CDKN2B-AS1: variants seen among roughly 807,000 people sequenced by gnomAD.
The protein encoded by CDKN2B-AS1 is CDKN2B antisense RNA 1 (non-protein coding).
At chr9:22,122,030 C>T (rs1313892975) in intron 4 of CDKN2B-AS1, among the ~76,000 whole-genome samples, 1 of 150,668 alleles carries the variant, frequency 6.6e-6, no homozygotes, top group East Asian at 1.9e-4. Context: ...TAAGAATTCC[C>T]TTTTCTCCAA....
exon 5 of CDKN2B-AS1, among the ~76,000 whole-genome samples, chr9:22,127,657 C>T (rs1208969599): frequency 6.6e-6 from 1 of 152,026 alleles, no homozygotes; most frequent in African/African-American, 2.4e-5. Context: ...AAAAGGAAGG[C>T]AGGGATGAGA....
chr9:22,056,253 A>G (rs1823569518), exon 4 of CDKN2B-AS1: 1 of 122,222 alleles, frequency 8.2e-6, no homozygotes, highest in Non-Finnish European at 1.7e-5. Flanking sequence ...TTTTTCCAGT[A>G]GAGACGGGGT....
chr9:22,124,274 G>T (rs1424416432), intron 4 of CDKN2B-AS1, among the ~76,000 whole-genome samples: 1 of 152,162 alleles, frequency 6.6e-6, no homozygotes, highest in Non-Finnish European at 1.5e-5. Flanking sequence ...CATTTTAAGG[G>T]CATTAAGAAA....
At chr9:22,106,896 A>G (rs1214691055) in intron 4 of CDKN2B-AS1, among the ~76,000 whole-genome samples, 1 of 152,226 alleles carries the variant, frequency 6.6e-6, no homozygotes, top group Non-Finnish European at 1.5e-5. Flanking sequence ...TTTATAAATG[A>G]GGAAATGTAA....
At chr9:22,079,024 G>A (rs1342496717) in intron 4 of CDKN2B-AS1, among the ~76,000 whole-genome samples, 1 of 152,086 alleles carries the variant, frequency 6.6e-6, no homozygotes, top group Non-Finnish European at 1.5e-5. Flanking sequence ...GGGACAAGTC[G>A]CCCCAAAGCA....
chr9:22,008,531 C>T (rs1821306647), intron 1 of CDKN2B-AS1: 1 of 809,002 alleles, frequency 1.2e-6, no homozygotes, highest in South Asian at 1.9e-5. Context: ...CTCCTTTTCT[C>T]CCCAATTCAG....
chr9:21,999,517 T>C lies in CDKN2B-AS1; in HGVS notation n.29+4356T>C, dbSNP rs56184413. Among the ~76,000 whole-genome samples the C allele has an allele frequency of 1.0e-3, 158 of 152,122 alleles. No homozygotes were observed. The highest frequency in any genetic ancestry group is 1.9e-3 in the Non-Finnish European group (126 of 67,930). ...ATATATATACATACATATGTATATA[T>C]GTATTTTATGTATGGATACATATGT... On this transcript the variant is annotated intron_variant and non_coding_transcript_variant, in intron 1 of 4. Coordinates refer to ENST00000650946, the Ensembl canonical transcript of CDKN2B-AS1. This position sits in a 1 kb window ranked among gnomAD's most constrained non-coding sequence, Gnocchi z 4.7.
At position 22,050,283 on chromosome 9, in the gene CDKN2B-AS1, A is replaced by C. The variant is rs76627279; in HGVS notation, n.302+1055A>C. On this transcript the variant is annotated intron_variant and non_coding_transcript_variant, in intron 3 of 4. Coordinates refer to ENST00000650946, the Ensembl canonical transcript of CDKN2B-AS1. ...TATTTTATGATTAAAGGAGAAGGGA[A>C]GACAGAAAAGCAGCCTGGCTTGGCC... Among the ~76,000 whole-genome samples the C allele has an allele frequency of 5.3e-5, 8 of 152,240 alleles. No individual in the cohort carries two copies. The East Asian group carries it at 1.5e-3, about 29-fold the overall frequency.
At chr9:22,008,984 A>T (rs769642333) in intron 1 of CDKN2B-AS1, 1 of 1,613,362 alleles carries the variant, frequency 6.2e-7, no homozygotes, top group South Asian at 1.1e-5. Context: ...AGCGGCCCGG[A>T]TAATCCACCG....
intron 1 of CDKN2B-AS1, among the ~76,000 whole-genome samples, chr9:22,038,484 T>C (rs1026551877): frequency 5.9e-5 from 9 of 152,036 alleles, no homozygotes; most frequent in African/African-American, 2.2e-4. Context: ...CTCAGCTGCC[T>C]CTTTTAAAAA....
At chr9:22,002,478 G>GAA (rs35720900) in intron 1 of CDKN2B-AS1, among the ~76,000 whole-genome samples, 3 of 150,438 alleles carry the variant, frequency 2.0e-5, no homozygotes, top group Non-Finnish European at 3.0e-5. Flanking sequence ...TCAGCAAAAA[G>GAA]AAAAAAAAAC....
At chr9:22,065,658 G>C (rs1333039) in intron 4 of CDKN2B-AS1, 98,888 of 151,996 alleles carry the variant, frequency 0.65, 32,458 homozygotes, top group Middle Eastern at 0.8. Flanking sequence ...TTTTTCCTTT[G>C]AAGGCCTGGG....
At chr9:22,025,758 A>G (rs1822207729) in intron 1 of CDKN2B-AS1, among the ~76,000 whole-genome samples, 1 of 152,120 alleles carries the variant, frequency 6.6e-6, no homozygotes, top group Admixed American at 6.5e-5. Flanking sequence ...CTGGTAGGAC[A>G]TGGCTGAAGA....
At chr9:22,044,588 T>G (rs1336127744) in intron 1 of CDKN2B-AS1, among the ~76,000 whole-genome samples, 1 of 152,060 alleles carries the variant, frequency 6.6e-6, no homozygotes, top group Non-Finnish European at 1.5e-5. Flanking sequence ...TAAAAATTGT[T>G]ATATTTCCAG....
intron 1 of CDKN2B-AS1, among the ~76,000 whole-genome samples, chr9:22,027,697 C>T (rs574694700): frequency 2.0e-5 from 3 of 152,226 alleles, no homozygotes; most frequent in East Asian, 3.9e-4. Flanking sequence ...GCACTCTTTT[C>T]GGTCCTCAAA....
At chr9:22,092,136 G>A (rs1015090211) in intron 4 of CDKN2B-AS1, among the ~76,000 whole-genome samples, 13 of 152,080 alleles carry the variant, frequency 8.5e-5, no homozygotes, top group Admixed American at 2.0e-4. Flanking sequence ...ATTGATTTGC[G>A]TATGTTGAAC....
chr9:22,002,969 T>C (rs544317719), intron 1 of CDKN2B-AS1: 1 of 197,756 alleles, frequency 5.1e-6, no homozygotes, highest in East Asian at 7.9e-5. Flanking sequence ...GGTAGTAGAA[T>C]TTGTACAAAC....
chr9:22,006,801 A>C lies in CDKN2B-AS1; in HGVS notation n.29+11640A>C, dbSNP rs1165136572. ...GTTCTCATAGCAAATCCCGTGCGGAAGGCTTTTGTTTGTCATGTGTCTGAG... is the reference window on the plus strand; with the variant it reads ...GTTCTCATAGCAAATCCCGTGCGGACGGCTTTTGTTTGTCATGTGTCTGAG... On this transcript the variant is annotated intron_variant and non_coding_transcript_variant, in intron 1 of 4. Transcript: ENST00000650946. The surrounding 1 kb of genome is among the most constrained non-coding windows in gnomAD (Gnocchi z 6.4). 6.6e-6 allele frequency among the ~76,000 whole-genome samples: 1 copy of C among 151,892 alleles called. No individual in the cohort carries two copies. Among genetic ancestry groups the C allele is most frequent in the African/African-American group, 2.4e-5 (1 of 41,370 alleles).
chr9:22,112,116 C>T (rs1167481083), intron 4 of CDKN2B-AS1: 1 of 152,192 alleles, frequency 6.6e-6, no homozygotes, highest in African/African-American at 2.4e-5. Context: ...GGCTGAAACT[C>T]ATCTTGAACT....
Sources: allele counts gnomAD v4.1 joint callset (sites outside exome capture counted in the v4.1 genomes callset), GRCh38; gene constraint gnomAD v4.1.1; non-coding constraint Gnocchi (gnomAD v3.1); transcripts MANE v1.5; gene names NCBI Gene and HGNC (gene_info 2026-07-23, HGNC 2026-07-21).